Variants in KCNMB2 observed in about 807,000 individuals in gnomAD.
KCNMB2 encodes calcium-activated potassium channel subunit beta-2.
Under a neutral mutation model 24.5 loss-of-function variants are expected in KCNMB2, and 9 were observed. The ratio of observed to expected loss-of-function variants is 0.37; its 90% CI spans 0.22 to 0.64. The LOEUF is 0.64. Among genes scored for constraint, KCNMB2 ranks in the 30% least tolerant of loss-of-function variants. KCNMB2 has a pLI of 0.63. For missense variants in KCNMB2, 226 were observed against 284.3 expected (o/e 0.79, Z 1.47); for synonymous variants, 109 against 104.4 (o/e 1.04, Z -0.27).
Position 178,635,408 on chromosome 3 carries a change from TACACACACAC to T in KCNMB2, c.-68+98724_-68+98733del, listed in dbSNP as rs58294929. Among the ~76,000 whole-genome samples the T allele has an allele frequency of 1.1e-3, 166 of 144,962 alleles. 1 individual carries two copies. Among genetic ancestry groups the T allele is most frequent in the African/African-American group, 3.9e-3 (153 of 39,188 alleles). ...TATCCCTTACACAGGTGCTTATGCA[TACACACACAC>T]ACACACACACACACACACACACACA... On this transcript the variant is annotated intron_variant, in intron 1 of 4. Transcript: ENST00000452583.
intron 1 of KCNMB2, among the ~76,000 whole-genome samples, chr3:178,641,644 G>C (rs972382177): frequency 6.6e-6 from 1 of 151,794 alleles, no homozygotes; most frequent in Admixed American, 6.6e-5. Flanking sequence ...TCCCCACTTT[G>C]TATGCATTTT....
intron 1 of KCNMB2, among the ~76,000 whole-genome samples, chr3:178,633,064 G>A (rs1356976747): frequency 6.6e-6 from 1 of 152,188 alleles, no homozygotes; most frequent in Non-Finnish European, 1.5e-5. Context: ...TGATGCAAGA[G>A]GTAGCCTCCC....
At chr3:178,691,197 C>A (rs1330814360) in intron 1 of KCNMB2, among the ~76,000 whole-genome samples, 1 of 145,496 alleles carries the variant, frequency 6.9e-6, no homozygotes, top group Non-Finnish European at 1.5e-5. Context: ...ATCCACCTGC[C>A]TCAGCCTCTC....
chr3:178,616,165 C>T (rs559326922), intron 1 of KCNMB2, among the ~76,000 whole-genome samples: 2 of 152,278 alleles, frequency 1.3e-5, no homozygotes, highest in South Asian at 4.1e-4. Context: ...AATCCCTTGG[C>T]AGCCCCAGCT....
rs1724317127 is a variant in KCNMB2 at position 178,758,518 on chromosome 3, GAGGAGATGTATA to G, written c.-67-48824_-67-48813del. On this transcript the variant is annotated intron_variant, in intron 1 of 4. Transcript: ENST00000452583. ...GATATATATATATATATATCTCCAA[GAGGAGATGTATA>G]TATATATATATATATATATATCCAA... 1.0e-3 allele frequency among the ~76,000 whole-genome samples: 29 copies of G among 28,568 alleles called. 6 individuals carry two copies. Among genetic ancestry groups the G allele is most frequent in the Non-Finnish European group, 1.7e-3 (27 of 16,028 alleles). 18.7% of individuals were successfully genotyped at this position (28,568 alleles called of 152,430 possible).
chr3:178,704,853 A>C (rs1287987518), intron 1 of KCNMB2, among the ~76,000 whole-genome samples: 1 of 152,144 alleles, frequency 6.6e-6, no homozygotes, highest in Non-Finnish European at 1.5e-5. Flanking sequence ...TAAATGGTAT[A>C]TTTGAATGGC....
At chr3:178,680,278 C>A (rs1431189616) in intron 1 of KCNMB2, among the ~76,000 whole-genome samples, 1 of 152,130 alleles carries the variant, frequency 6.6e-6, no homozygotes, top group East Asian at 1.9e-4. Context: ...TCTGACTCTA[C>A]CAGCACCTGC....
chr3:178,583,007 A>G (rs1482675357), intron 1 of KCNMB2, among the ~76,000 whole-genome samples: 3 of 152,196 alleles, frequency 2.0e-5, no homozygotes, highest in Non-Finnish European at 4.4e-5. Context: ...TAAGAATCCA[A>G]TGATATTGGT....
In KCNMB2 at chr3:178,570,290, G is replaced by A. The variant is rs140529223; in HGVS notation, c.-68+33579G>A. Among the ~76,000 whole-genome samples, 772 of 152,102 alleles carry A rather than the reference G, an allele frequency of 5.1e-3. 7 individuals are homozygous for A. Among genetic ancestry groups the A allele is most frequent in the African/African-American group, 0.018 (737 of 41,508 alleles). ...TCATAACCCTCTCAAGGAGGACTAT[G>A]TTTTATACATTTTTTTAAATCATTC... On this transcript the variant is annotated intron_variant, in intron 1 of 4. Coordinates refer to ENST00000452583, the MANE Select transcript of KCNMB2 (RefSeq NM_181361.3).
intron 2 of KCNMB2, among the ~76,000 whole-genome samples, chr3:178,823,548 C>T (rs1714716639): frequency 6.6e-6 from 1 of 152,156 alleles, no homozygotes; most frequent in South Asian, 2.1e-4. Flanking sequence ...GTTAATTTTG[C>T]ACAACCAATA....
At chr3:178,709,537 T>A (rs779426312) in intron 1 of KCNMB2, among the ~76,000 whole-genome samples, 2 of 152,178 alleles carry the variant, frequency 1.3e-5, no homozygotes, top group South Asian at 2.1e-4. Flanking sequence ...GTGGATTTTT[T>A]AAGACTGTTT....
At chr3:178,634,876 T>C (rs1471973770) in intron 1 of KCNMB2, among the ~76,000 whole-genome samples, 1 of 152,052 alleles carries the variant, frequency 6.6e-6, no homozygotes, top group Non-Finnish European at 1.5e-5. Flanking sequence ...AAAAGGGCCT[T>C]TGATCAGAAG....
chr3:178,640,849 CA>C (rs775668034), intron 1 of KCNMB2, among the ~76,000 whole-genome samples: 8 of 152,130 alleles, frequency 5.3e-5, no homozygotes, highest in Non-Finnish European at 1.2e-4. Context: ...GATCCATTTT[CA>C]GTTAAATTTT....
chr3:178,683,201 C>T (rs554649874), intron 1 of KCNMB2, among the ~76,000 whole-genome samples: 1 of 152,124 alleles, frequency 6.6e-6, no homozygotes, highest in Admixed American at 6.6e-5. Context: ...GACCATTATC[C>T]TTAGAAAATT....
At chr3:178,639,282 C>T (rs1028759660) in intron 1 of KCNMB2, among the ~76,000 whole-genome samples, 7 of 152,112 alleles carry the variant, frequency 4.6e-5, no homozygotes, top group Non-Finnish European at 8.8e-5. Flanking sequence ...CAGATGTGAG[C>T]ATTGAGGCAC....
chr3:178,830,107 C>T (rs7640093), intron 4 of KCNMB2, among the ~76,000 whole-genome samples: 97,929 of 151,754 alleles, frequency 0.65, 33,464 homozygotes, highest in African/African-American at 0.87. Flanking sequence ...ATGGCAATTA[C>T]TTTCTTACTT....
intron 1 of KCNMB2, among the ~76,000 whole-genome samples, chr3:178,601,008 G>T (rs1169467870): frequency 6.6e-6 from 1 of 152,080 alleles, no homozygotes; most frequent in Non-Finnish European, 1.5e-5. Flanking sequence ...GGAATACTAT[G>T]CAGCCATATA....
At position 178,758,243 on chromosome 3, in the gene KCNMB2, TATATATATATATCTCCAAGGGG is replaced by T. The variant is rs1724269350; in HGVS notation, c.-67-49087_-67-49066del. Among the ~76,000 whole-genome samples the T allele has an allele frequency of 5.9e-5, 2 of 33,960 alleles. 1 individual carries two copies. The highest frequency in any genetic ancestry group is 9.5e-5 in the Non-Finnish European group (2 of 21,060). 22.3% of individuals were successfully genotyped at this position (33,960 alleles called of 152,430 possible). On this transcript the variant is annotated intron_variant, in intron 1 of 4. Coordinates refer to ENST00000452583, the MANE Select transcript of KCNMB2 (RefSeq NM_181361.3). ...ATATATATATATATATCCAAGGGGA[TATATATATATATCTCCAAGGGG>T]ATATATATATATATATCTCCAAGGG...
chr3:178,806,890 A>G (rs1167417601), intron 1 of KCNMB2, among the ~76,000 whole-genome samples: 1 of 152,192 alleles, frequency 6.6e-6, no homozygotes, highest in Non-Finnish European at 1.5e-5. Flanking sequence ...ATGACGTTTC[A>G]TCACCAACAT....
Sources: gnomAD v4.1 joint callset for allele counts (sites outside exome capture counted in the v4.1 genomes callset) on GRCh38, gnomAD v4.1.1 for gene constraint, MANE v1.5 for transcripts, NCBI Gene and HGNC (gene_info 2026-07-23, HGNC 2026-07-21) for gene names.